KCNH5: variants seen among roughly 807,000 people sequenced by gnomAD.
KCNH5 encodes the protein voltage-gated delayed rectifier potassium channel KCNH5.
KCNH5 carries 46 observed loss-of-function variants against 96.1 expected under a neutral mutation model. The ratio of observed to expected loss-of-function variants is 0.48; its 90% CI spans 0.38 to 0.61. KCNH5 has a LOEUF of 0.61. Among genes scored for constraint, KCNH5 ranks in the 20% least tolerant of loss-of-function variants. The pLI is 0.00. For synonymous variants in KCNH5, 439 were observed against 449.8 expected, an observed-to-expected ratio of 0.98 and a Z score of 0.30; for missense variants, 907 against 1,225.8, an observed-to-expected ratio of 0.74 and a Z score of 3.88.
chr14:62,885,142 T>C (rs1172674715), intron 7 of KCNH5, among the ~76,000 whole-genome samples: 1 of 152,170 alleles, frequency 6.6e-6, no homozygotes, highest in African/African-American at 2.4e-5. Context: ...CAAAAAAGAT[T>C]CTTGAAATCC....
At chr14:62,712,479 A>G in intron 10 of KCNH5, 2 of 602,982 alleles carry the variant, frequency 3.3e-6, no homozygotes. Flanking sequence ...ATTGAGGCAT[A>G]AAGAGTTTAA....
rs1204194907 is a variant in KCNH5, at chr14:62,707,410, A to T, written c.*98T>A. 1.7e-6 allele frequency: 1 copy of T among 579,364 alleles called. No individual in the cohort carries two copies. The highest frequency in any genetic ancestry group is 2.6e-6 in the Non-Finnish European group (1 of 386,260). 35.9% of individuals were successfully genotyped at this position (579,364 alleles called of 1,614,324 possible). On this transcript the variant is annotated 3_prime_UTR_variant, in exon 11 of 11. Coordinates refer to ENST00000322893, the MANE Select transcript of KCNH5 (RefSeq NM_139318.5). ...ATATCAAAATCCATGTGTGGTCATC[A>T]TCTTGAAAGCAAGTGAAAATATATA...
At chr14:63,043,686 C>T (rs1212915836) in intron 1 of KCNH5, among the ~76,000 whole-genome samples, 1 of 152,112 alleles carries the variant, frequency 6.6e-6, no homozygotes, top group Non-Finnish European at 1.5e-5. Flanking sequence ...AAGTTTAAAA[C>T]CTCAAATTAA....
intron 10 of KCNH5, among the ~76,000 whole-genome samples, chr14:62,731,910 G>A (rs1212740204): frequency 6.6e-6 from 1 of 152,120 alleles, no homozygotes; most frequent in Non-Finnish European, 1.5e-5. Flanking sequence ...ACACATTCAG[G>A]CTGTTGAGCA....
At chr14:62,975,756 A>G (rs1172504200) in intron 6 of KCNH5, among the ~76,000 whole-genome samples, 1 of 152,144 alleles carries the variant, frequency 6.6e-6, no homozygotes, top group African/African-American at 2.4e-5. Flanking sequence ...AAGGAAAAAG[A>G]AAACACCAAA....
At chr14:62,873,072 C>T (rs1023813554) in intron 7 of KCNH5, among the ~76,000 whole-genome samples, 5 of 150,454 alleles carry the variant, frequency 3.3e-5, no homozygotes, top group Admixed American at 2.0e-4. Flanking sequence ...ATGGTGTGAA[C>T]CCAGGAGGCA....
intron 7 of KCNH5, among the ~76,000 whole-genome samples, chr14:62,949,294 T>G (rs1455967360): frequency 6.6e-6 from 1 of 152,218 alleles, no homozygotes; most frequent in Non-Finnish European, 1.5e-5. Context: ...CTTAAGCTGA[T>G]AAGCAACTTC....
At chr14:62,846,280 TATTA>T (rs1173388337) in intron 8 of KCNH5, among the ~76,000 whole-genome samples, 9 of 152,206 alleles carry the variant, frequency 5.9e-5, no homozygotes, top group Non-Finnish European at 1.5e-5. Flanking sequence ...TAACTCTTCT[TATTA>T]ATTAATAAAT....
intron 6 of KCNH5, among the ~76,000 whole-genome samples, chr14:62,972,038 A>C (rs1282851088): frequency 1.3e-5 from 2 of 152,194 alleles, no homozygotes; most frequent in East Asian, 3.8e-4. Flanking sequence ...TCTGCTCTGC[A>C]AAAGTCACAG....
chr14:62,877,799 G>A (rs941783318), intron 7 of KCNH5, among the ~76,000 whole-genome samples: 1 of 151,842 alleles, frequency 6.6e-6, no homozygotes, highest in Admixed American at 6.6e-5. Context: ...ATTCCTCAGG[G>A]ATCTAGAACT....
chr14:63,019,022 G>A (rs1891379187), intron 1 of KCNH5, among the ~76,000 whole-genome samples: 1 of 151,728 alleles, frequency 6.6e-6, no homozygotes, highest in Non-Finnish European at 1.5e-5. Context: ...ATTGCAAACT[G>A]AAGTAAAAGA....
At chr14:62,726,230 T>C (rs2101552) in intron 10 of KCNH5, among the ~76,000 whole-genome samples, 141,734 of 152,226 alleles carry the variant, frequency 0.93, 66,634 homozygotes, top group Non-Finnish European at 1. Context: ...ATCTTCATAA[T>C]GTTGGGATAC....
At chr14:62,772,962 G>T (rs1886022099) in intron 10 of KCNH5, among the ~76,000 whole-genome samples, 1 of 152,100 alleles carries the variant, frequency 6.6e-6, no homozygotes, top group Non-Finnish European at 1.5e-5. Flanking sequence ...TTTTGTTTTG[G>T]CTTCACTATT....
In KCNH5 at chr14:62,699,544, C is replaced by G. The variant is rs1329573295; in HGVS notation, c.*7964G>C. The G allele has an allele frequency of 2.0e-5, 3 of 152,122 alleles. No homozygotes were observed. In the East Asian group the frequency reaches 5.8e-4, roughly 29 times the overall value. 9.4% of individuals were successfully genotyped at this position (152,122 alleles called of 1,614,324 possible). A position where few individuals can be genotyped will look rare whatever the true frequency, so the allele number is the denominator to read the frequency against. On this transcript the variant is annotated 3_prime_UTR_variant, in exon 11 of 11. Transcript: ENST00000322893. The stretch of plus-strand genomic sequence containing the variant: ...AAGTGTGAAAAAAAGCAAAGTTAGT[C>G]CTCCCTGATGAAATACAGTTTATTG...
At chr14:62,896,139 G>T (rs1342414063) in intron 7 of KCNH5, among the ~76,000 whole-genome samples, 1 of 152,134 alleles carries the variant, frequency 6.6e-6, no homozygotes, top group Non-Finnish European at 1.5e-5. Context: ...TTCCCTGATG[G>T]TAACATTCAC....
chr14:62,806,845 C>T (rs1167872393), intron 8 of KCNH5, among the ~76,000 whole-genome samples: 5 of 152,098 alleles, frequency 3.3e-5, no homozygotes, highest in African/African-American at 9.7e-5. Flanking sequence ...ATGTTAACTG[C>T]TATTCTCTTT....
chr14:62,946,726 T>C (rs1889894492), intron 7 of KCNH5, among the ~76,000 whole-genome samples: 1 of 152,194 alleles, frequency 6.6e-6, no homozygotes, highest in East Asian at 1.9e-4. Context: ...AACCATGAAC[T>C]ACTACTCAGC....
At position 62,708,356 on chromosome 14, in the gene KCNH5, T is replaced by G. The variant is rs1349029009; in HGVS notation, c.2119A>C (p.Arg707=). Residue 707 remains arginine, a synonymous_variant, in exon 11 of 11, where the codon AGA becomes CGA. Transcript: ENST00000322893. ...TLSIPVDHPV[R]KLFQKFKQQK... ...TGCTTGAACTTCTGGAAGAGCTTTCTGACTGGGTGGTCCACGGGAATGCTG... is the reference window on the plus strand; with the variant it reads ...TGCTTGAACTTCTGGAAGAGCTTTCGGACTGGGTGGTCCACGGGAATGCTG... 1 of 1,613,960 alleles carries G rather than the reference T, an allele frequency of 6.2e-7. No individual in the cohort carries two copies. The highest frequency in any genetic ancestry group is 8.5e-7 in the Non-Finnish European group (1 of 1,180,036).
intron 7 of KCNH5, among the ~76,000 whole-genome samples, chr14:62,946,176 A>G (rs1889883220): frequency 6.6e-6 from 1 of 152,120 alleles, no homozygotes; most frequent in Non-Finnish European, 1.5e-5. Flanking sequence ...ATGTATTTTG[A>G]AGGTAAACCC....
Sources: gnomAD v4.1 joint callset for allele counts (sites outside exome capture counted in the v4.1 genomes callset) on GRCh38, gnomAD v4.1.1 for gene constraint, MANE v1.5 for transcripts, NCBI Gene and HGNC (gene_info 2026-07-23, HGNC 2026-07-21) for gene names.